The following BAIAP2L1 variants were observed in gnomAD, a reference collection of about 807,000 sequenced individuals.
BAIAP2L1 encodes the protein BAR/IMD domain-containing adapter protein 2-like 1.
In BAIAP2L1, 35 loss-of-function variants were observed where a neutral mutation model predicts 66.3. That is an observed-to-expected ratio of 0.53 (90% CI 0.40 to 0.70). BAIAP2L1 has a LOEUF of 0.70. Ranked by LOEUF, BAIAP2L1 falls within the 30% of genes least tolerant of loss-of-function variation. The pLI is 0.00. For synonymous variants in BAIAP2L1, 269 were observed against 248.7 expected, an observed-to-expected ratio of 1.08 and a Z score of -0.77; for missense variants, 622 against 656.9, an observed-to-expected ratio of 0.95 and a Z score of 0.58.
At chr7:98,368,527 C>T (rs1443154538) in intron 1 of BAIAP2L1, among the ~76,000 whole-genome samples, 2 of 152,054 alleles carry the variant, frequency 1.3e-5, no homozygotes, top group African/African-American at 4.8e-5. Context: ...CCCGCCTCTA[C>T]TAAAAATACA....
At chr7:98,383,119 C>T (rs989822886) in intron 1 of BAIAP2L1, among the ~76,000 whole-genome samples, 3 of 151,788 alleles carry the variant, frequency 2.0e-5, no homozygotes, top group Middle Eastern at 3.4e-3. Context: ...GCTGAGATGG[C>T]GCCACCACAC....
chr7:98,335,949 CA>C (rs1200672576), intron 3 of BAIAP2L1, among the ~76,000 whole-genome samples: 3 of 152,204 alleles, frequency 2.0e-5, no homozygotes, highest in Non-Finnish European at 2.9e-5. Flanking sequence ...GAATGATAGA[CA>C]GGGGGTCTAA....
At chr7:98,308,657 G>T in intron 9 of BAIAP2L1, 1 of 226,166 alleles carries the variant, frequency 4.4e-6, no homozygotes. Flanking sequence ...GGGGAAAAAA[G>T]GTAGAAAAAA....
At chr7:98,308,649 G>A (rs1800754576) in intron 9 of BAIAP2L1, 2 of 220,776 alleles carry the variant, frequency 9.1e-6, no homozygotes. Flanking sequence ...CCACTCCAGG[G>A]GAAAAAAGGT....
intron 3 of BAIAP2L1, among the ~76,000 whole-genome samples, chr7:98,345,505 A>G (rs1584473167): frequency 6.6e-6 from 1 of 152,138 alleles, no homozygotes; most frequent in South Asian, 2.1e-4. Context: ...CGGGTGGATC[A>G]CCTGAGGTAA....
chr7:98,306,557 C>T, intron 10 of BAIAP2L1, 41 bp from the exon 11 acceptor site: 1 of 1,613,928 alleles, frequency 6.2e-7, no homozygotes, highest in South Asian at 1.1e-5. Flanking sequence ...CAGCAGTAGA[C>T]ATGTGGACGG....
At chr7:98,310,324 T>C (rs1800820565) in intron 9 of BAIAP2L1, 121 bp downstream of exon 9, 11 of 1,126,146 alleles carry the variant, frequency 9.8e-6, no homozygotes, top group Non-Finnish European at 1.4e-5. Context: ...TGAATGTATC[T>C]ACCATACCTG....
intron 3 of BAIAP2L1, among the ~76,000 whole-genome samples, chr7:98,324,161 G>A (rs1357558151): frequency 2.6e-5 from 4 of 152,198 alleles, no homozygotes; most frequent in Middle Eastern, 3.2e-3. Flanking sequence ...CCCCGGTTAC[G>A]TTTGGAGTCA....
chr7:98,336,510 G>A (rs1334335674), intron 3 of BAIAP2L1, among the ~76,000 whole-genome samples: 2 of 152,142 alleles, frequency 1.3e-5, no homozygotes, highest in Non-Finnish European at 2.9e-5. Context: ...CAGCTACTTG[G>A]GAGGCTGAGG....
At chr7:98,360,352 T>C (rs1802242069) in intron 2 of BAIAP2L1, among the ~76,000 whole-genome samples, 1 of 152,124 alleles carries the variant, frequency 6.6e-6, no homozygotes, top group African/African-American at 2.4e-5. Flanking sequence ...CTGCCTTGTG[T>C]TCTAACGTAA....
At chr7:98,388,866 T>C (rs768928802) in intron 1 of BAIAP2L1, among the ~76,000 whole-genome samples, 7 of 151,386 alleles carry the variant, frequency 4.6e-5, no homozygotes, top group Non-Finnish European at 7.4e-5. Context: ...CCCAGCTACT[T>C]GGGAGGCTGA....
intron 1 of BAIAP2L1, among the ~76,000 whole-genome samples, chr7:98,380,240 C>T (rs1045948403): frequency 6.6e-6 from 1 of 151,940 alleles, no homozygotes; most frequent in Non-Finnish European, 1.5e-5. Flanking sequence ...AACACACCCA[C>T]CTAATTTTTA....
chr7:98,367,971 G>A (rs533197243), intron 1 of BAIAP2L1, among the ~76,000 whole-genome samples: 1 of 152,066 alleles, frequency 6.6e-6, no homozygotes, highest in South Asian at 2.1e-4. Flanking sequence ...AGGTTGCCAC[G>A]ACCATCACCG....
Position 98,399,734 on chromosome 7 carries a change from C to G in BAIAP2L1, c.51+1068G>C, listed in dbSNP as rs369490077. ...TTCATTTGTAAGTATGTAAACTAAA[C>G]AGGCCACTAATCCTAAGTCTCTGTC... is the stretch of plus-strand genomic sequence containing the variant. On this transcript the variant is annotated intron_variant, in intron 1 of 13. Transcript: ENST00000005260. Among the ~76,000 whole-genome samples the G allele has an allele frequency of 5.0e-4, 76 of 152,308 alleles. No homozygotes were observed. The South Asian group carries it at 0.015, about 31-fold the overall frequency.
In BAIAP2L1 at chr7:98,312,277, A is replaced by G; in HGVS notation, c.640-13T>C. On this transcript the variant is annotated splice_polypyrimidine_tract_variant and intron_variant, in intron 7 of 13. Transcript: ENST00000005260. ...GTAGTTCTGCAGACTGCAAAGCCAA[A>G]AGAAGAAGACTAAAGACAAAGAAGA... 1 of 1,594,876 alleles carries G rather than the reference A, an allele frequency of 6.3e-7. No individual in the cohort carries two copies. The highest frequency in any genetic ancestry group is 1.1e-5 in the South Asian group (1 of 87,978).
intron 3 of BAIAP2L1, among the ~76,000 whole-genome samples, chr7:98,351,519 G>C (rs998327937): frequency 1.1e-4 from 16 of 152,114 alleles, no homozygotes; most frequent in African/African-American, 3.6e-4. Flanking sequence ...TTGGGGCAAA[G>C]GTTGTCAGCA....
At chr7:98,303,929 G>C (rs1311129830) in intron 12 of BAIAP2L1, among the ~76,000 whole-genome samples, 3 of 152,196 alleles carry the variant, frequency 2.0e-5, no homozygotes, top group African/African-American at 7.2e-5. Context: ...ATAAAATCTA[G>C]CAAACTAGAG....
chr7:98,293,568 G>A lies in BAIAP2L1; in HGVS notation c.1489C>T (p.Leu497Phe). The change falls in exon 14 of 14, where the codon CTC (leucine) becomes TTC (phenylalanine). Residue 497 changes from leucine (L) to phenylalanine (F), a missense_variant. By Grantham distance (22) the Leu-to-Phe change is conservative (BLOSUM62 0). Coordinates refer to ENST00000005260, the MANE Select transcript of BAIAP2L1 (RefSeq NM_018842.5). ...CGATCATTCGTCACAGTCGGGCGGA[G>A]TTTCACAGTGGCAAAGGGGTTTTCT... ...SGENPFATVK[L>F]RPTVTNDRSA... 6.2e-7 allele frequency: 1 copy of A among 1,613,940 alleles called. No individual in the cohort carries two copies. The highest frequency in any genetic ancestry group is 8.5e-7 in the Non-Finnish European group (1 of 1,179,930).
intron 3 of BAIAP2L1, among the ~76,000 whole-genome samples, chr7:98,321,477 C>T (rs149252260): frequency 2.2e-4 from 33 of 152,294 alleles, no homozygotes; most frequent in East Asian, 1.2e-3. Context: ...AGCACAGTCA[C>T]ATGATGGGCA....
Sources: gnomAD v4.1 joint callset for allele counts (sites outside exome capture counted in the v4.1 genomes callset) on GRCh38, gnomAD v4.1.1 for gene constraint, MANE v1.5 for transcripts, NCBI Gene and HGNC (gene_info 2026-07-23, HGNC 2026-07-21) for gene names.